The following TEAD1 variants were observed in gnomAD, a reference collection of about 807,000 sequenced individuals.
The protein encoded by TEAD1 is transcriptional enhancer factor TEF-1.
A neutral mutation model predicts 54.9 loss-of-function variants in TEAD1; 9 were observed. The ratio of observed to expected loss-of-function variants is 0.16; its 90% CI spans 0.10 to 0.29. The LOEUF (loss-of-function observed/expected upper bound fraction) is 0.29. TEAD1 is among the 10% of genes least tolerant of loss of function. TEAD1 has a pLI of 1.00. For synonymous variants in TEAD1, 200 were observed against 187.8 expected (o/e 1.07, Z -0.53); for missense variants, 387 against 535.9 (o/e 0.72, Z 2.74).
At chr11:12,926,794 G>T (rs1948910448) in intron 11 of TEAD1, among the ~76,000 whole-genome samples, 1 of 152,114 alleles carries the variant, frequency 6.6e-6, no homozygotes, top group Non-Finnish European at 1.5e-5. Flanking sequence ...GCGGGAATTG[G>T]CTCAACATAA....
At chr11:12,692,602 C>G (rs1943483000) in intron 2 of TEAD1, among the ~76,000 whole-genome samples, 1 of 152,186 alleles carries the variant, frequency 6.6e-6, no homozygotes, top group Non-Finnish European at 1.5e-5. Flanking sequence ...TCCCCCCCGC[C>G]CCCGCTTTCC....
chr11:12,730,383 T>G (rs1404231037), intron 2 of TEAD1, among the ~76,000 whole-genome samples: 1 of 150,784 alleles, frequency 6.6e-6, no homozygotes, highest in Non-Finnish European at 1.5e-5. Flanking sequence ...AGTGGTGCCA[T>G]TGGGATTTGA....
intron 3 of TEAD1, among the ~76,000 whole-genome samples, chr11:12,770,122 T>C (rs1373030164): frequency 6.6e-6 from 1 of 152,212 alleles, no homozygotes; most frequent in Non-Finnish European, 1.5e-5. Context: ...AGAGCAAGGG[T>C]TAATTCTGGA....
intron 5 of TEAD1, among the ~76,000 whole-genome samples, chr11:12,873,016 C>T (rs1947785246): frequency 6.6e-6 from 1 of 152,158 alleles, no homozygotes; most frequent in Admixed American, 6.5e-5. Context: ...TGAAGTTAAT[C>T]CAGGGATATC....
chr11:12,887,093 G>GTTTTTTTTTTTT (rs1254187335), intron 9 of TEAD1, among the ~76,000 whole-genome samples: 1 of 9,462 alleles, frequency 1.1e-4, no homozygotes, highest in Non-Finnish European at 3.3e-4. Context: ...TTTTTTTTTT[G>GTTTTTTTTTTTT]TTTGTTTTTT....
At chr11:12,739,967 T>C (rs893700825) in intron 2 of TEAD1, among the ~76,000 whole-genome samples, 1 of 152,188 alleles carries the variant, frequency 6.6e-6, no homozygotes, top group Non-Finnish European at 1.5e-5. Flanking sequence ...GAAAGCCAAA[T>C]AAGGCTTTAC....
At position 12,783,098 on chromosome 11, in the gene TEAD1, TTGTGTGTGTGTGTG is replaced by T. The variant is rs34564715; in HGVS notation, c.202+18687_202+18700del. ...AGAAGTCACTAAACCAGGTAAGGGT[TTGTGTGTGTGTGTG>T]TGTGTGTGTGTGTGTGTGTGTGCGC... On this transcript the variant is annotated intron_variant, in intron 3 of 12. Transcript: ENST00000527636. Among the ~76,000 whole-genome samples the T allele has an allele frequency of 5.4e-3, 759 of 139,360 alleles. 7 individuals carry two copies. The highest frequency in any genetic ancestry group is 5.7e-3 in the Non-Finnish European group (369 of 64,342). The allele number at this position is 139,360 out of a possible 152,430, so 91.4% of individuals were successfully genotyped here. A position where few individuals can be genotyped will look rare whatever the true frequency, so the allele number is the denominator to read the frequency against.
chr11:12,706,051 G>A (rs971510392), intron 2 of TEAD1, among the ~76,000 whole-genome samples: 3 of 152,176 alleles, frequency 2.0e-5, no homozygotes, highest in African/African-American at 7.2e-5. Context: ...GGCTGTTAGA[G>A]TATCAATGAT....
At chr11:12,727,524 G>A (rs1208367203) in intron 2 of TEAD1, among the ~76,000 whole-genome samples, 1 of 152,148 alleles carries the variant, frequency 6.6e-6, no homozygotes, top group Admixed American at 6.5e-5. Context: ...CCTAGGAAAA[G>A]CATTTTTTAA....
At chr11:12,723,268 T>C (rs776833199) in intron 2 of TEAD1, among the ~76,000 whole-genome samples, 27 of 152,210 alleles carry the variant, frequency 1.8e-4, no homozygotes, top group Non-Finnish European at 3.4e-4. Flanking sequence ...GTTTAATTGA[T>C]ATTTCTTGGA....
At chr11:12,688,355 G>A (rs1025973006) in intron 2 of TEAD1, among the ~76,000 whole-genome samples, 9 of 152,148 alleles carry the variant, frequency 5.9e-5, no homozygotes, top group African/African-American at 2.2e-4. Context: ...TTGGTTTTTG[G>A]TGGGAGGCAG....
intron 3 of TEAD1, among the ~76,000 whole-genome samples, chr11:12,833,072 A>T (rs1404477225): frequency 6.6e-6 from 1 of 152,234 alleles, no homozygotes; most frequent in Non-Finnish European, 1.5e-5. Context: ...AATATATCTG[A>T]TGACATAGTT....
intron 5 of TEAD1, among the ~76,000 whole-genome samples, chr11:12,868,818 A>T (rs1472878563): frequency 6.6e-6 from 1 of 151,892 alleles, no homozygotes; most frequent in Non-Finnish European, 1.5e-5. Flanking sequence ...TTGAATCCAG[A>T]GTTTCTGTTC....
intron 2 of TEAD1, among the ~76,000 whole-genome samples, chr11:12,706,309 C>T (rs990567746): frequency 3.3e-5 from 5 of 152,246 alleles, no homozygotes; most frequent in South Asian, 2.1e-4. Flanking sequence ...AGAGAAGTTT[C>T]CTGTTGCACT....
At chr11:12,791,629 A>G (rs933764625) in intron 3 of TEAD1, among the ~76,000 whole-genome samples, 2 of 152,134 alleles carry the variant, frequency 1.3e-5, no homozygotes, top group Non-Finnish European at 2.9e-5. Flanking sequence ...GTTGTCTACA[A>G]AGTTAGGCAT....
chr11:12,941,201 A>C lies in TEAD1; in HGVS notation c.*3979A>C, dbSNP rs1379598168. The stretch of plus-strand genomic sequence containing the variant: ...CTGTGCCAGAGCACAGCCTCACCGG[A>C]TGCTGCTTCCCACACTGAAGTGTCC... On this transcript the variant is annotated 3_prime_UTR_variant, in exon 13 of 13. Coordinates refer to ENST00000527636, the MANE Select transcript of TEAD1 (RefSeq NM_021961.6). 6.6e-6 allele frequency: 1 copy of C among 152,242 alleles called. No individual in the cohort carries two copies. The highest frequency in any genetic ancestry group is 1.5e-5 in the Non-Finnish European group (1 of 68,082). The allele number at this position is 152,242 out of a possible 1,614,324, so 9.4% of individuals were successfully genotyped here.
At chr11:12,910,079 C>T (rs143328405) in intron 10 of TEAD1, among the ~76,000 whole-genome samples, 7 of 152,282 alleles carry the variant, frequency 4.6e-5, no homozygotes, top group African/African-American at 9.6e-5. Flanking sequence ...TTGCCAGTGA[C>T]GTGGCAGACA....
intron 9 of TEAD1, among the ~76,000 whole-genome samples, chr11:12,883,456 C>T (rs1948013535): frequency 6.6e-6 from 1 of 152,100 alleles, no homozygotes; most frequent in African/African-American, 2.4e-5. Context: ...TTGCCATATG[C>T]CTGGTCCCAT....
At chr11:12,816,137 TC>T (rs1293931375) in intron 3 of TEAD1, among the ~76,000 whole-genome samples, 3 of 152,204 alleles carry the variant, frequency 2.0e-5, no homozygotes, top group Non-Finnish European at 4.4e-5. Context: ...TTGTGAGCCT[TC>T]CCACTTTGCA....
Sources: gnomAD v4.1 joint callset for allele counts (sites outside exome capture counted in the v4.1 genomes callset) on GRCh38, gnomAD v4.1.1 for gene constraint, MANE v1.5 for transcripts, NCBI Gene and HGNC (gene_info 2026-07-23, HGNC 2026-07-21) for gene names.